SLC4A10: variants seen among roughly 807,000 people sequenced by gnomAD.
The protein encoded by SLC4A10 is solute carrier family 4 member 10.
In SLC4A10, 42 loss-of-function variants were observed where a neutral mutation model predicts 137.7. That is an observed-to-expected ratio of 0.30 (90% CI 0.24 to 0.39). SLC4A10 has a LOEUF of 0.39. Ranked by LOEUF, SLC4A10 falls within the 10% of genes least tolerant of loss-of-function variation. The pLI is 1.00. For synonymous variants in SLC4A10, 474 were observed against 464.1 expected (o/e 1.02, Z -0.27); for missense variants, 925 against 1,355.0 (o/e 0.68, Z 4.98).
At chr2:161,837,663 G>A (rs906028461) in intron 3 of SLC4A10, among the ~76,000 whole-genome samples, 4 of 152,060 alleles carry the variant, frequency 2.6e-5, no homozygotes, top group Non-Finnish European at 5.9e-5. Flanking sequence ...AGCAAAGTTG[G>A]GAGACTCATA....
intron 1 of SLC4A10, among the ~76,000 whole-genome samples, chr2:161,749,590 A>G (rs1466863051): frequency 1.3e-5 from 2 of 151,972 alleles, no homozygotes; most frequent in Non-Finnish European, 2.9e-5. Flanking sequence ...CCACCCTTGC[A>G]TCCCCAGGAT....
intron 1 of SLC4A10, among the ~76,000 whole-genome samples, chr2:161,713,563 C>T (rs552627128): frequency 6.6e-6 from 1 of 151,736 alleles, no homozygotes; most frequent in African/African-American, 2.4e-5. Flanking sequence ...TTTATTGGTA[C>T]GTAATCTGAT....
In SLC4A10 at chr2:161,806,616, C is replaced by T. The variant is rs182191177; in HGVS notation, c.277+2021C>T. 4.3e-3 allele frequency among the ~76,000 whole-genome samples: 662 copies of T among 152,252 alleles called. 5 individuals are homozygous for T. Among genetic ancestry groups the T allele is most frequent in the Non-Finnish European group, 7.7e-3 (525 of 68,008 alleles). On this transcript the variant is annotated intron_variant, in intron 3 of 26. Transcript: ENST00000446997. Reference sequence around the variant, plus strand: ...GGGTAAAACACTGCCAGTCTCTTTGCTAAAACATAACAAGAGTCACCTTTG... The same window carrying T: ...GGGTAAAACACTGCCAGTCTCTTTGTTAAAACATAACAAGAGTCACCTTTG...
At chr2:161,957,961 T>C (rs1695961081) in intron 20 of SLC4A10, among the ~76,000 whole-genome samples, 3 of 152,190 alleles carry the variant, frequency 2.0e-5, no homozygotes, top group Admixed American at 2.0e-4. Context: ...TTGCAAGAAT[T>C]AATCTCTGTT....
chr2:161,754,464 C>T (rs75850973), intron 1 of SLC4A10, among the ~76,000 whole-genome samples: 2,709 of 152,226 alleles, frequency 0.018, 82 homozygotes, highest in African/African-American at 0.061. Context: ...GACTCTGAGA[C>T]ATTGTTCTCA....
At chr2:161,897,610 A>G (rs1211756391) in intron 11 of SLC4A10, among the ~76,000 whole-genome samples, 12 of 152,142 alleles carry the variant, frequency 7.9e-5, no homozygotes, top group Admixed American at 7.9e-4. Context: ...ATAATTATTA[A>G]AGACTATTTC....
Position 161,649,725 on chromosome 2 carries a change from T to A in SLC4A10, c.48+25159T>A, listed in dbSNP as rs1162802242. Among the ~76,000 whole-genome samples the A allele has an allele frequency of 2.0e-5, 3 of 151,946 alleles. 1 individual carries two copies. Among genetic ancestry groups the A allele is most frequent in the African/African-American group, 7.2e-5 (3 of 41,432 alleles). Reference sequence around the variant, plus strand: ...TCAGTTTTTGCTTTTTGTATTTTAGTCAAGTTCAAAAATATATTCTCTCAT... The same window carrying A: ...TCAGTTTTTGCTTTTTGTATTTTAGACAAGTTCAAAAATATATTCTCTCAT... On this transcript the variant is annotated intron_variant, in intron 1 of 26. Transcript: ENST00000446997.
intron 3 of SLC4A10, among the ~76,000 whole-genome samples, chr2:161,813,676 C>G (rs1244724498): frequency 1.3e-5 from 2 of 152,090 alleles, no homozygotes; most frequent in Non-Finnish European, 2.9e-5. Context: ...GATGAGTTTT[C>G]ATCATTTTCT....
At chr2:161,842,246 T>C (rs1009857850) in intron 4 of SLC4A10, among the ~76,000 whole-genome samples, 13 of 152,318 alleles carry the variant, frequency 8.5e-5, no homozygotes, top group Non-Finnish European at 1.3e-4. Context: ...TTTCCTTTGA[T>C]AAATACTGTA....
At chr2:161,756,255 A>G (rs1200451273) in intron 1 of SLC4A10, among the ~76,000 whole-genome samples, 1 of 152,166 alleles carries the variant, frequency 6.6e-6, no homozygotes, top group African/African-American at 2.4e-5. Flanking sequence ...TGGATATTGT[A>G]AAATTATTTA....
chr2:161,980,339 G>A (rs1700043893), intron 26 of SLC4A10, among the ~76,000 whole-genome samples: 2 of 150,690 alleles, frequency 1.3e-5, no homozygotes, highest in South Asian at 4.2e-4. Context: ...ATGACTTCTT[G>A]GAAATATTAT....
chr2:161,860,388 T>A (rs1025320421), intron 5 of SLC4A10, among the ~76,000 whole-genome samples: 1 of 152,084 alleles, frequency 6.6e-6, no homozygotes, highest in Non-Finnish European at 1.5e-5. Context: ...ATATGTAGGG[T>A]TTATTATGTG....
intron 10 of SLC4A10, among the ~76,000 whole-genome samples, chr2:161,887,272 C>A (rs941898706): frequency 6.6e-6 from 1 of 151,978 alleles, no homozygotes; most frequent in Admixed American, 6.6e-5. Flanking sequence ...ACGTTTATAT[C>A]TTTATAGTAG....
chr2:161,977,667 G>A lies in SLC4A10; in HGVS notation c.3345-55G>A, dbSNP rs187580359. 1.2e-4 allele frequency: 183 copies of A among 1,490,550 alleles called. No homozygotes were observed. The African/African-American group carries it at 1.7e-3, about 14-fold the overall frequency. The allele number at this position is 1,490,550 out of a possible 1,614,324, so 92.3% of individuals were successfully genotyped here. Reference sequence around the variant, plus strand: ...ATAATTATAAAGTTCCTTTATTTTCGTAACCTTAAATTAACTTTTTCTACT... The same window carrying A: ...ATAATTATAAAGTTCCTTTATTTTCATAACCTTAAATTAACTTTTTCTACT... On this transcript the variant is annotated intron_variant, in intron 25 of 26. Coordinates refer to ENST00000446997, the MANE Select transcript of SLC4A10 (RefSeq NM_001178015.2).
chr2:161,956,966 C>A, intron 19 of SLC4A10, 23 bp from the exon 20 acceptor site: 1 of 1,540,674 alleles, frequency 6.5e-7, no homozygotes, highest in South Asian at 1.2e-5. Flanking sequence ...GTTTCTTTCT[C>A]TCTTTCTTTC....
intron 4 of SLC4A10, among the ~76,000 whole-genome samples, chr2:161,852,540 A>G (rs1482756834): frequency 1.3e-5 from 2 of 152,220 alleles, no homozygotes; most frequent in African/African-American, 4.8e-5. Flanking sequence ...CTAGCACAGT[A>G]GGCAATAAAG....
intron 11 of SLC4A10, among the ~76,000 whole-genome samples, chr2:161,896,652 G>A (rs1045438832): frequency 7.9e-5 from 12 of 152,034 alleles, no homozygotes; most frequent in Non-Finnish European, 1.8e-4. Flanking sequence ...CAAACAAATG[G>A]AAGAACATTC....
At chr2:161,758,381 T>A (rs1340115405) in intron 1 of SLC4A10, among the ~76,000 whole-genome samples, 1 of 151,970 alleles carries the variant, frequency 6.6e-6, no homozygotes, top group East Asian at 1.9e-4. Flanking sequence ...CATCTCCTCA[T>A]GTTTTATTTA....
chr2:161,919,602 A>G (rs1420491701), intron 15 of SLC4A10, among the ~76,000 whole-genome samples: 3 of 152,122 alleles, frequency 2.0e-5, no homozygotes, highest in Non-Finnish European at 2.9e-5. Context: ...GCCTGTGGGT[A>G]GGAGCTACCC....
Sources: gnomAD v4.1 joint callset for allele counts (sites outside exome capture counted in the v4.1 genomes callset) on GRCh38, gnomAD v4.1.1 for gene constraint, MANE v1.5 for transcripts, NCBI Gene and HGNC (gene_info 2026-07-23, HGNC 2026-07-21) for gene names.